Variants in SGCD observed in about 807,000 individuals in gnomAD.
SGCD encodes delta-sarcoglycan.
Under a neutral mutation model 36.6 loss-of-function variants are expected in SGCD, and 18 were observed. The ratio of observed to expected loss-of-function variants is 0.49; its 90% CI spans 0.34 to 0.73. The LOEUF is 0.73. Ranked by LOEUF, SGCD falls within the 30% of genes least tolerant of loss-of-function variation. The pLI is 0.01. For synonymous variants in SGCD, 133 were observed against 130.6 expected, an observed-to-expected ratio of 1.02 and a Z score of -0.12; for missense variants, 387 against 346.7, an observed-to-expected ratio of 1.12 and a Z score of -0.92.
intron 1 of SGCD, among the ~76,000 whole-genome samples, chr5:155,911,005 G>A (rs1242247119): frequency 1.3e-5 from 2 of 152,064 alleles, no homozygotes; most frequent in Non-Finnish European, 2.9e-5. Flanking sequence ...CAGCTTCAGT[G>A]ACTCTCATTT....
At chr5:156,610,134 T>C (rs906631884) in intron 6 of SGCD, among the ~76,000 whole-genome samples, 5 of 139,820 alleles carry the variant, frequency 3.6e-5, no homozygotes, top group African/African-American at 1.5e-4. Flanking sequence ...ATTTTTAGAG[T>C]TTCCGGTTTT....
At chr5:156,120,169 C>A (rs970998401) in intron 2 of SGCD, among the ~76,000 whole-genome samples, 3 of 152,068 alleles carry the variant, frequency 2.0e-5, no homozygotes, top group African/African-American at 7.2e-5. Context: ...TGCCATGTGG[C>A]ATCTTGTTAA....
intron 3 of SGCD, among the ~76,000 whole-genome samples, chr5:156,403,072 T>C (rs1772237335): frequency 6.6e-6 from 1 of 152,156 alleles, no homozygotes; most frequent in Non-Finnish European, 1.5e-5. Flanking sequence ...TCAGAAACAT[T>C]AAGGTTGACT....
In SGCD at chr5:156,581,107, G is replaced by T. The variant is rs527642841; in HGVS notation, c.295-8124G>T. ...TTTTGGTGTGGATGTCCTTTTTGTT[G>T]ATGTTGATGCTATTCCTTTCTGTTT... On this transcript the variant is annotated intron_variant, in intron 4 of 8. Coordinates refer to ENST00000337851, the MANE Select transcript of SGCD (RefSeq NM_000337.6). 2.0e-5 allele frequency among the ~76,000 whole-genome samples: 3 copies of T among 152,242 alleles called. No homozygotes were observed. In the East Asian group the frequency reaches 5.8e-4, roughly 29 times the overall value.
chr5:155,881,947 T>C (rs1372582393), intron 1 of SGCD, among the ~76,000 whole-genome samples: 1 of 152,162 alleles, frequency 6.6e-6, no homozygotes, highest in Admixed American at 6.5e-5. Context: ...GAGGCTCCAC[T>C]TATTCTAATT....
At chr5:156,306,366 C>A (rs1767213465) in intron 3 of SGCD, among the ~76,000 whole-genome samples, 1 of 152,124 alleles carries the variant, frequency 6.6e-6, no homozygotes, top group Non-Finnish European at 1.5e-5. Context: ...TTGCTTGTTG[C>A]CATCCATGTA....
At chr5:156,672,772 G>A (rs770914892) in intron 7 of SGCD, among the ~76,000 whole-genome samples, 15 of 152,144 alleles carry the variant, frequency 9.9e-5, no homozygotes, top group Non-Finnish European at 1.6e-4. Context: ...TCAGTTCAGC[G>A]TTTAATCAGA....
At chr5:155,849,450 A>G in the SGCD span, among the ~76,000 whole-genome samples, 6 of 150,312 alleles carry the variant, frequency 4.0e-5, no homozygotes, top group Admixed American at 1.3e-4. Flanking sequence ...GCGCGCGCAC[A>G]CACACACACA....
At chr5:155,869,998 C>G (rs1729808651), upstream of SGCD, among the ~76,000 whole-genome samples, 2 of 35,822 alleles carry the variant, frequency 5.6e-5, no homozygotes, top group Non-Finnish European at 8.4e-5. Context: ...GACTCCGTCT[C>G]AACAACAACA....
chr5:156,080,340 C>A (rs1382175014), intron 1 of SGCD, among the ~76,000 whole-genome samples: 1 of 152,178 alleles, frequency 6.6e-6, no homozygotes, highest in Non-Finnish European at 1.5e-5. Context: ...GGCCTTTTTC[C>A]CATTGTCTTG....
At chr5:156,197,472 C>CTTTTTTTTTT (rs368116194) in intron 3 of SGCD, among the ~76,000 whole-genome samples, 2 of 134,000 alleles carry the variant, frequency 1.5e-5, no homozygotes, top group African/African-American at 5.5e-5. Context: ...AATAGTTTTC[C>CTTTTTTTTTT]TTTTTTTTTT....
At chr5:156,257,408 AGCTT>A (rs1474012751) in intron 3 of SGCD, among the ~76,000 whole-genome samples, 1 of 151,880 alleles carries the variant, frequency 6.6e-6, no homozygotes, top group Admixed American at 6.6e-5. Context: ...CTGGAGGCGG[AGCTT>A]GCAGTGAGCA....
rs1440656010 is a variant in SGCD at position 156,709,601 on chromosome 5, CT to C, written c.576-47978del. Among the ~76,000 whole-genome samples, 5 of 152,172 alleles carry C rather than the reference CT, an allele frequency of 3.3e-5. No homozygotes were observed. The South Asian group carries it at 1.0e-3, about 32-fold the overall frequency. ...AAAAGGATTAAAATAATCCTATATACTTGAGAGTGTCTGGGGAACTGCTTTT... is the reference window on the plus strand; with the variant it reads ...AAAAGGATTAAAATAATCCTATATACTGAGAGTGTCTGGGGAACTGCTTTT... On this transcript the variant is annotated intron_variant, in intron 7 of 8. Coordinates refer to ENST00000337851, the MANE Select transcript of SGCD (RefSeq NM_000337.6).
chr5:155,728,217 G>T, the SGCD span, among the ~76,000 whole-genome samples: 1 of 151,992 alleles, frequency 6.6e-6, no homozygotes, highest in Non-Finnish European at 1.5e-5. Flanking sequence ...CTCCAGCCCC[G>T]CCAGCCGGAG....
At chr5:156,271,321 T>C (rs113830279) in intron 3 of SGCD, among the ~76,000 whole-genome samples, 50 of 152,224 alleles carry the variant, frequency 3.3e-4, no homozygotes, top group African/African-American at 1.1e-3. Context: ...CCTTTCTATC[T>C]GGAGGGGTCC....
intron 3 of SGCD, among the ~76,000 whole-genome samples, chr5:156,454,457 A>C (rs1754165214): frequency 6.6e-6 from 1 of 152,184 alleles, no homozygotes; most frequent in African/African-American, 2.4e-5. Flanking sequence ...CTTCTCCCCA[A>C]GATTTGGATT....
intron 1 of SGCD, among the ~76,000 whole-genome samples, chr5:155,948,078 A>T (rs973249178): frequency 6.6e-6 from 1 of 152,106 alleles, no homozygotes; most frequent in Non-Finnish European, 1.5e-5. Context: ...GGAGTTCAAG[A>T]CTGGGTGACC....
chr5:156,324,283 A>G (rs1012992806), upstream of SGCD, among the ~76,000 whole-genome samples: 3 of 152,186 alleles, frequency 2.0e-5, no homozygotes, highest in Non-Finnish European at 1.5e-5. Flanking sequence ...CTCTACTGGA[A>G]AGAAATTATT....
At chr5:155,957,872 A>G (rs1227056206) in intron 1 of SGCD, among the ~76,000 whole-genome samples, 4 of 152,148 alleles carry the variant, frequency 2.6e-5, no homozygotes, top group African/African-American at 2.4e-5. Context: ...TCTGCCTACT[A>G]CAGATGGAAA....
Sources: allele counts gnomAD v4.1 joint callset (sites outside exome capture counted in the v4.1 genomes callset), GRCh38; gene constraint gnomAD v4.1.1; transcripts MANE v1.5; gene names NCBI Gene and HGNC (gene_info 2026-07-23, HGNC 2026-07-21).